IHO1: variants seen among roughly 807,000 people sequenced by gnomAD.
IHO1 encodes the protein interactor of HORMAD1 1, also known as interactor of HORMAD1 protein 1.
IHO1 carries 13 observed loss-of-function variants against 31.0 expected under a neutral mutation model. The observed-to-expected ratio is 0.42, with a 90% CI of 0.27 to 0.67. The LOEUF (loss-of-function observed/expected upper bound fraction) is 0.67. IHO1 is among the 30% of genes least tolerant of loss of function. The pLI, the probability that IHO1 is intolerant of heterozygous loss-of-function variation, is 0.24. For missense variants in IHO1, 599 were observed against 687.5 expected (o/e 0.87, Z 1.44); for synonymous variants, 221 against 248.4 (o/e 0.89, Z 1.04).
chr3:49,221,656 C>T (rs902182625), intron 2 of IHO1, among the ~76,000 whole-genome samples: 2 of 152,212 alleles, frequency 1.3e-5, no homozygotes, highest in Admixed American at 1.3e-4. Context: ...GCCAAAGGGC[C>T]AGTGGGTCAA....
chr3:49,252,641 A>G lies in IHO1; in HGVS notation c.533-2749A>G, dbSNP rs548431484. Among the ~76,000 whole-genome samples the G allele has an allele frequency of 1.1e-4, 17 of 152,180 alleles. 1 individual carries two copies. In the South Asian group the frequency reaches 3.5e-3, roughly 32 times the overall value. On this transcript the variant is annotated intron_variant, in intron 6 of 7. Transcript: ENST00000452691. ...CTCACTATGTTGCCCAGGCTGGTCT[A>G]GAACTCCTGGGCCCAAGCAATCCTC...
At chr3:49,234,014 A>G (rs1052729616) in intron 2 of IHO1, among the ~76,000 whole-genome samples, 1 of 152,186 alleles carries the variant, frequency 6.6e-6, no homozygotes, top group Non-Finnish European at 1.5e-5. Flanking sequence ...TCTATAATCT[A>G]TAGAAATAAT....
chr3:49,191,492 G>A, the IHO1 span, among the ~76,000 whole-genome samples: 3 of 152,308 alleles, frequency 2.0e-5, no homozygotes, highest in South Asian at 4.1e-4. Context: ...AGGAATAAAT[G>A]GGGTGGCTAG....
chr3:49,218,376 CTTTTTTTT>C lies in IHO1; in HGVS notation c.56+6557_56+6564del, dbSNP rs34312848. Reference sequence around the variant, plus strand: ...ACAGTGTCAGCAGGACAGTTAATACCTTTTTTTTTTTTTTTTTTTTTTTTGAGATAGTC... The same window carrying C: ...ACAGTGTCAGCAGGACAGTTAATACCTTTTTTTTTTTTTTTTGAGATAGTC... On this transcript the variant is annotated intron_variant, in intron 2 of 7. Transcript: ENST00000452691. Among the ~76,000 whole-genome samples, 7 of 105,822 alleles carry C rather than the reference CTTTTTTTT, an allele frequency of 6.6e-5. No individual in the cohort carries two copies. In the South Asian group the frequency reaches 2.1e-3, roughly 32 times the overall value. The allele number at this position is 105,822 out of a possible 152,430, so 69.4% of individuals were successfully genotyped here.
upstream of IHO1, among the ~76,000 whole-genome samples, chr3:49,193,790 C>T (rs749590893): frequency 2.0e-5 from 3 of 151,530 alleles, no homozygotes; most frequent in Non-Finnish European, 2.9e-5. Flanking sequence ...GGTGAAACCC[C>T]GTCTCTACTT....
At position 49,241,209 on chromosome 3, in the gene IHO1, T is replaced by C; in HGVS notation, c.232-17T>C. ...ATTTTTATGTGTGAAATGCTATATA[T>C]TTTTTTCATTTAACAGGGTGAACCT... is the stretch of plus-strand genomic sequence containing the variant. On this transcript the variant is annotated splice_polypyrimidine_tract_variant and intron_variant, in intron 3 of 7. Transcript: ENST00000452691. 6.4e-7 allele frequency: 1 copy of C among 1,571,766 alleles called. No homozygotes were observed. Among genetic ancestry groups the C allele is most frequent in the Non-Finnish European group, 8.6e-7 (1 of 1,160,048 alleles).
At chr3:49,224,874 A>G (rs7652746) in intron 2 of IHO1, among the ~76,000 whole-genome samples, 91,344 of 151,916 alleles carry the variant, frequency 0.6, 28,816 homozygotes, top group East Asian at 0.95. Context: ...TTGAAGGGCC[A>G]TTCCCTCAAG....
At chr3:49,247,566 A>G (rs974626582) in intron 6 of IHO1, among the ~76,000 whole-genome samples, 1 of 151,212 alleles carries the variant, frequency 6.6e-6, no homozygotes, top group African/African-American at 2.4e-5. Flanking sequence ...AGGTGGGTGG[A>G]TTGCTTGAGT....
rs747644592 is a variant in IHO1 at position 49,257,139 on chromosome 3, T to G, written c.1642T>G (p.Ser548Ala). The G allele has an allele frequency of 1.2e-6, 2 of 1,613,964 alleles. No homozygotes were observed. The highest frequency in any genetic ancestry group is 1.7e-6 in the Non-Finnish European group (2 of 1,180,032). Residue 548 changes from serine to alanine, a missense_variant, in exon 8 of 8, where the codon TCC becomes GCC. Physicochemically the swap from Ser to Ala is moderately conservative, Grantham distance 99 (BLOSUM62 1). Coordinates refer to ENST00000452691, the MANE Select transcript of IHO1 (RefSeq NM_001135197.2). ...CTCTTCCCAAGACAACTGGCTACTT[T>G]CCAGCAGTTCCCAGGGGGACCACCA... is the stretch of plus-strand genomic sequence containing the variant. ...RCSSQDNWLL[S>A]SSSQGDHQMS...
intron 1 of IHO1, among the ~76,000 whole-genome samples, chr3:49,201,842 T>C (rs1180171978): frequency 1.3e-5 from 2 of 152,126 alleles, no homozygotes; most frequent in Non-Finnish European, 2.9e-5. Context: ...TGCTTGAGCC[T>C]GATAGGTGGA....
At chr3:49,231,278 G>GGCAAACCCATAAAAT (rs1287973349) in intron 2 of IHO1, among the ~76,000 whole-genome samples, 4 of 152,302 alleles carry the variant, frequency 2.6e-5, no homozygotes, top group Non-Finnish European at 5.9e-5. Flanking sequence ...CCATTTAGCT[G>GGCAAACCCATAAAAT]ACTTTGTGAG....
At chr3:49,222,576 GA>G (rs2046366187) in intron 2 of IHO1, among the ~76,000 whole-genome samples, 1 of 152,170 alleles carries the variant, frequency 6.6e-6, no homozygotes, top group Non-Finnish European at 1.5e-5. Context: ...CTATCGTAAA[GA>G]GTATGGTTAG....
At chr3:49,193,976 GAAGTT>G (rs2045981357), upstream of IHO1, among the ~76,000 whole-genome samples, 1 of 143,406 alleles carries the variant, frequency 7.0e-6, no homozygotes, top group African/African-American at 2.6e-5. Flanking sequence ...AAAAAAAAAA[GAAGTT>G]GAGTCAGACT....
At chr3:49,210,492 G>C (rs1044146621) in intron 1 of IHO1, among the ~76,000 whole-genome samples, 1 of 151,348 alleles carries the variant, frequency 6.6e-6, no homozygotes, top group African/African-American at 2.4e-5. Context: ...CTGCCTCCCC[G>C]GTTCCAGTGA....
intron 2 of IHO1, among the ~76,000 whole-genome samples, chr3:49,226,926 A>C (rs1244818350): frequency 2.0e-5 from 3 of 152,088 alleles, no homozygotes; most frequent in Non-Finnish European, 2.9e-5. Context: ...AAGGGGACGT[A>C]ACCGATAACC....
rs578147823 is a variant in IHO1, at chr3:49,231,104, A to G, written c.57-5444A>G. On this transcript the variant is annotated intron_variant, in intron 2 of 7. Transcript: ENST00000452691. ...AGAATGGCTTTTTCTTCCAAATACT[A>G]ATTCACAGACTCTAACTTCTTATTT... Among the ~76,000 whole-genome samples the G allele has an allele frequency of 2.6e-5, 4 of 152,334 alleles. No individual in the cohort carries two copies. The South Asian group carries it at 8.3e-4, about 32-fold the overall frequency.
At chr3:49,231,025 T>C (rs1297860022) in intron 2 of IHO1, among the ~76,000 whole-genome samples, 1 of 152,210 alleles carries the variant, frequency 6.6e-6, no homozygotes, top group African/African-American at 2.4e-5. Context: ...ATTTGCTAAT[T>C]TTTCCAGCTC....
chr3:49,195,226 C>T (rs2045989920), upstream of IHO1, among the ~76,000 whole-genome samples: 2 of 151,174 alleles, frequency 1.3e-5, no homozygotes, highest in Admixed American at 6.6e-5. Context: ...TCAAGAGTAG[C>T]CTGGCCAACA....
chr3:49,200,406 AGT>A (rs1162965419), intron 1 of IHO1, among the ~76,000 whole-genome samples: 1 of 150,314 alleles, frequency 6.7e-6, no homozygotes, highest in African/African-American at 2.4e-5. Context: ...CGGAGGTGGC[AGT>A]GAGCTGAGAT....
Sources: allele counts gnomAD v4.1 joint callset (sites outside exome capture counted in the v4.1 genomes callset), GRCh38; gene constraint gnomAD v4.1.1; transcripts MANE v1.5; gene names NCBI Gene and HGNC (gene_info 2026-07-23, HGNC 2026-07-21).